ZFP1: variants seen among roughly 807,000 people sequenced by gnomAD.
ZFP1 encodes the protein ZFP1 zinc finger protein.
Under a neutral mutation model 38.5 loss-of-function variants are expected in ZFP1, and 32 were observed. The observed-to-expected ratio is 0.83, with a 90% confidence interval of 0.63 to 1.12. The LOEUF is 1.12. ZFP1 is among the 50% of genes most tolerant of loss of function. ZFP1 has a pLI of 0.00. For synonymous variants in ZFP1, 245 were observed against 168.8 expected (o/e 1.45, Z -3.50); for missense variants, 616 against 480.8 (o/e 1.28, Z -2.63).
At chr16:75,141,295 C>T in the ZFP1 span, among the ~76,000 whole-genome samples, 7 of 148,854 alleles carry the variant, frequency 4.7e-5, no homozygotes, top group Non-Finnish European at 8.9e-5. Context: ...CTCCGCCTCC[C>T]GGGTTCATGC....
At chr16:75,123,457 A>ATGTATG in the ZFP1 span, among the ~76,000 whole-genome samples, 2 of 31,662 alleles carry the variant, frequency 6.3e-5, no homozygotes, top group African/African-American at 2.6e-4. Context: ...GTGTATATGT[A>ATGTATG]TATATATATA....
At chr16:75,133,786 C>T in the ZFP1 span, among the ~76,000 whole-genome samples, 6 of 152,224 alleles carry the variant, frequency 3.9e-5, no homozygotes, top group African/African-American at 1.4e-4. Context: ...TGGTAACTCA[C>T]GCCTGTAATC....
rs192904721 is a variant in ZFP1, at chr16:75,170,636, A to G, written c.*302A>G. 9 of 259,154 alleles carry G rather than the reference A, an allele frequency of 3.5e-5. No individual in the cohort carries two copies. The highest frequency in any genetic ancestry group is 1.8e-4 in the African/African-American group (8 of 45,382). 16.1% of individuals were successfully genotyped at this position (259,154 alleles called of 1,614,324 possible). A position where few individuals can be genotyped will look rare whatever the true frequency, so the allele number is the denominator to read the frequency against. ...TAGACAGCAGCATAAGAAATATACA[A>G]ACAGTATCCTATGAATTTAGTGGTT... On this transcript the variant is annotated 3_prime_UTR_variant, in exon 4 of 4. Coordinates refer to ENST00000570010, the MANE Select transcript of ZFP1 (RefSeq NM_153688.4).
intron 2 of ZFP1, among the ~76,000 whole-genome samples, chr16:75,158,040 A>C (rs972387183): frequency 6.6e-6 from 1 of 151,870 alleles, no homozygotes; most frequent in Non-Finnish European, 1.5e-5. Flanking sequence ...TGTCTACCTC[A>C]GCCTCCCAAA....
chr16:75,166,945 T>C (rs755081449), intron 3 of ZFP1, 49 bp downstream of exon 3: 3 of 1,577,596 alleles, frequency 1.9e-6, no homozygotes, highest in Non-Finnish European at 2.6e-6. Context: ...GAGGTATTTA[T>C]GTCCTGTCTC....
upstream of ZFP1, among the ~76,000 whole-genome samples, chr16:75,146,389 G>A (rs1261628210): frequency 1.3e-5 from 2 of 152,004 alleles, no homozygotes; most frequent in South Asian, 2.1e-4. Context: ...GGATGGTCTC[G>A]ATCTCCTGAC....
At chr16:75,146,375 G>A (rs559625305), upstream of ZFP1, among the ~76,000 whole-genome samples, 1 of 151,994 alleles carries the variant, frequency 6.6e-6, no homozygotes, top group Non-Finnish European at 1.5e-5. Context: ...CGCTGTGTTA[G>A]CCAGGATGGT....
At chr16:75,168,855 T>G (rs1011312015) in intron 3 of ZFP1, among the ~76,000 whole-genome samples, 9 of 152,200 alleles carry the variant, frequency 5.9e-5, no homozygotes, top group African/African-American at 2.2e-4. Flanking sequence ...GTGTTTCCCC[T>G]TAATTCCCTC....
chr16:75,135,499 C>G, the ZFP1 span, among the ~76,000 whole-genome samples: 1 of 152,166 alleles, frequency 6.6e-6, no homozygotes, highest in East Asian at 1.9e-4. Flanking sequence ...AACAGTGGCT[C>G]CAGCCTGTAA....
At chr16:75,149,684 G>A (rs1465758089) in intron 1 of ZFP1, among the ~76,000 whole-genome samples, 2 of 151,294 alleles carry the variant, frequency 1.3e-5, no homozygotes, top group East Asian at 3.9e-4. Context: ...TCAGCCTCCC[G>A]AGTAGCTGGG....
chr16:75,163,521 A>C (rs1318519413), intron 2 of ZFP1, among the ~76,000 whole-genome samples: 2 of 151,740 alleles, frequency 1.3e-5, no homozygotes, highest in African/African-American at 4.8e-5. Context: ...CATGTTGTCC[A>C]GGCTGGTATC....
Position 75,166,468 on chromosome 16 carries a change from C to A in ZFP1, c.16-302C>A, listed in dbSNP as rs530904773. 67 of 852,234 alleles carry A rather than the reference C, an allele frequency of 7.9e-5. No homozygotes were observed. The South Asian group carries it at 3.1e-3, about 39-fold the overall frequency. The allele number at this position is 852,234 out of a possible 1,614,324, so 52.8% of individuals were successfully genotyped here. A position where few individuals can be genotyped will look rare whatever the true frequency, so the allele number is the denominator to read the frequency against. ...CTCGAACTCCCGACCTCAAGTGATT[C>A]CCCCGCCCACCTAGCCTCCCAAAGT... On this transcript the variant is annotated intron_variant, in intron 2 of 3. Coordinates refer to ENST00000570010, the MANE Select transcript of ZFP1 (RefSeq NM_153688.4).
At chr16:75,119,293 C>G in the ZFP1 span, among the ~76,000 whole-genome samples, 8 of 152,168 alleles carry the variant, frequency 5.3e-5, no homozygotes, top group African/African-American at 1.9e-4. Flanking sequence ...CTTTATGGCT[C>G]AAACCAATAG....
chr16:75,163,282 C>T (rs994864207), intron 2 of ZFP1, among the ~76,000 whole-genome samples: 6 of 151,556 alleles, frequency 4.0e-5, no homozygotes, highest in South Asian at 2.1e-4. Flanking sequence ...TCTGCCCTCC[C>T]CAGCGTGCAT....
the ZFP1 span, among the ~76,000 whole-genome samples, chr16:75,125,526 G>A: frequency 2.6e-5 from 4 of 152,150 alleles, no homozygotes; most frequent in South Asian, 8.3e-4. Flanking sequence ...GTTTCACCAT[G>A]TTTGTCAGAC....
Position 75,171,416 on chromosome 16 carries a change from G to C in ZFP1, c.*1082G>C, listed in dbSNP as rs1360738001. 2.0e-5 allele frequency: 3 copies of C among 152,100 alleles called. No homozygotes were observed. Among genetic ancestry groups the C allele is most frequent in the African/African-American group, 7.2e-5 (3 of 41,430 alleles). 9.4% of individuals were successfully genotyped at this position (152,100 alleles called of 1,614,324 possible). On this transcript the variant is annotated 3_prime_UTR_variant, in exon 4 of 4. Coordinates refer to ENST00000570010, the MANE Select transcript of ZFP1 (RefSeq NM_153688.4). ...AAGTAAATTTTTACACTATTTTGTT[G>C]TTTAAAGGAGGCATTTCTACTTCCT...
upstream of ZFP1, among the ~76,000 whole-genome samples, chr16:75,143,647 C>CTTTTTTTT (rs386385080): frequency 8.5e-5 from 8 of 93,792 alleles, no homozygotes; most frequent in East Asian, 3.7e-4. Context: ...GGAGGTGAAT[C>CTTTTTTTT]TTTTTTTTTT....
chr16:75,160,656 CAAAA>C (rs71158584), intron 2 of ZFP1, among the ~76,000 whole-genome samples: 19 of 101,572 alleles, frequency 1.9e-4, no homozygotes, highest in Admixed American at 2.0e-4. Context: ...GAGACTGCCT[CAAAA>C]AAAAAAAAAA....
chr16:75,119,637 G>T, the ZFP1 span: 4 of 152,104 alleles, frequency 2.6e-5, no homozygotes, highest in Non-Finnish European at 5.9e-5. Context: ...CAACCAGCTG[G>T]TCTTAATTTC....
Sources: gnomAD v4.1 joint callset for allele counts (sites outside exome capture counted in the v4.1 genomes callset) on GRCh38, gnomAD v4.1.1 for gene constraint, MANE v1.5 for transcripts, NCBI Gene and HGNC (gene_info 2026-07-23, HGNC 2026-07-21) for gene names.